HSF4: variants seen among roughly 807,000 people sequenced by gnomAD.
HSF4 encodes the protein heat shock factor protein 4.
In HSF4, 41 loss-of-function variants were observed where a neutral mutation model predicts 52.0. The ratio of observed to expected loss-of-function variants is 0.79; its 90% CI spans 0.61 to 1.02. HSF4 has a LOEUF of 1.02. HSF4 is among the 50% of genes least tolerant of loss of function. The pLI, the probability that HSF4 is intolerant of heterozygous loss-of-function variation, is 0.00. For synonymous variants in HSF4, 285 were observed against 273.0 expected, an observed-to-expected ratio of 1.04 and a Z score of -0.43; for missense variants, 610 against 651.1, an observed-to-expected ratio of 0.94 and a Z score of 0.69.
rs2031211599 is a variant in HSF4, at chr16:67,165,663, T to C, written c.232+33T>C. 5.6e-6 allele frequency: 9 copies of C among 1,611,580 alleles called. No homozygotes were observed. Among genetic ancestry groups the C allele is most frequent in the Non-Finnish European group, 7.6e-6 (9 of 1,179,532 alleles). ...CCTACGGCCGGGCGGGGAGCGGGGA[T>C]GGGGGACTCGGTGCCGGGGATGGGG... On this transcript the variant is annotated intron_variant, in intron 2 of 12. Transcript: ENST00000521374. The surrounding 1 kb of genome is among the most constrained non-coding windows in gnomAD (Gnocchi z 6.9).
chr16:67,166,593 G>C lies in HSF4; in HGVS notation c.597G>C (p.Gly199=). The part of the protein sequence containing the change: ...IQCLFGPLQA[G]PSNAGGKRKL... ...GTCTCTTTGGGCCACTTCAGGCGGG[G>C]CCGAGCAATGCAGGAGGCAAGAGAA... Residue 199 remains glycine, a synonymous_variant, in exon 6 of 13, where the codon GGG becomes GGC. Coordinates refer to ENST00000521374, the MANE Select transcript of HSF4 (RefSeq NM_001374675.1). The C allele has an allele frequency of 6.2e-7, 1 of 1,613,936 alleles. No individual in the cohort carries two copies. The highest frequency in any genetic ancestry group is 8.5e-7 in the Non-Finnish European group (1 of 1,179,978).
rs1024125330 is a variant in HSF4 at position 67,165,279 on chromosome 16, T to C, written c.124-243T>C. 1.7e-6 allele frequency: 1 copy of C among 598,242 alleles called. No individual in the cohort carries two copies. The highest frequency in any genetic ancestry group is 3.0e-6 in the Non-Finnish European group (1 of 336,310). The allele number at this position is 598,242 out of a possible 1,614,324, so 37.1% of individuals were successfully genotyped here. On this transcript the variant is annotated intron_variant, in intron 1 of 12. Transcript: ENST00000521374. The surrounding 1 kb of genome is among the most constrained non-coding windows in gnomAD (Gnocchi z 6.9). ...GGCTGGGAACCCCGTCAGCCTCTCC[T>C]TTCTGAGAACTGAGTATGGAGTCAG...
chr16:67,164,015 G>GCAGA (rs1447239056), upstream of HSF4: 5 of 788,070 alleles, frequency 6.3e-6, no homozygotes, highest in Middle Eastern at 2.6e-4. Flanking sequence ...CTCACCCTCT[G>GCAGA]CAGACGCCCC....
upstream of HSF4, chr16:67,164,262 T>G: frequency 7.3e-6 from 3 of 411,590 alleles, no homozygotes; most frequent in Admixed American, 3.2e-5. Context: ...CCGGCAGAGG[T>G]TGGGTTTCCT....
chr16:67,169,684 G>A lies in HSF4; in HGVS notation c.1378G>A (p.Gly460Arg), dbSNP rs781456673. The change falls in exon 13 of 13, where the codon GGA (glycine) becomes AGA (arginine). Residue 460 changes from glycine (G) to arginine (R), a missense_variant. Coordinates refer to ENST00000521374, the MANE Select transcript of HSF4 (RefSeq NM_001374675.1). This position sits in a 1 kb window ranked among gnomAD's most constrained non-coding sequence, Gnocchi z 4.3. Reference protein sequence around the residue: ...PLLLDVQAALGGPALGLPGAL... With the variant: ...PLLLDVQAALRGPALGLPGAL... Reference sequence around the variant, plus strand: ...CCTGCTGGATGTCCAGGCGGCCTTGGGAGGCCCAGCCCTGGGCCTGCCTGG... The same window carrying A: ...CCTGCTGGATGTCCAGGCGGCCTTGAGAGGCCCAGCCCTGGGCCTGCCTGG... 1 of 1,612,376 alleles carries A rather than the reference G, an allele frequency of 6.2e-7. No individual in the cohort carries two copies. Among genetic ancestry groups the A allele is most frequent in the Non-Finnish European group, 8.5e-7 (1 of 1,180,006 alleles).
At chr16:67,166,663 AC>A (rs758084052) in intron 6 of HSF4, 41 bp downstream of exon 6, 16 of 1,583,760 alleles carry the variant, frequency 1.0e-5, no homozygotes, top group Middle Eastern at 1.8e-4. Flanking sequence ...CACTTCCAAG[AC>A]CCCCCAGAAG....
chr16:67,168,826 C>A lies in HSF4; in HGVS notation c.1083-5C>A. On this transcript the variant is annotated splice_region_variant and splice_polypyrimidine_tract_variant and intron_variant, in intron 9 of 12. Coordinates refer to ENST00000521374, the MANE Select transcript of HSF4 (RefSeq NM_001374675.1). ...TGCAGGCCAAAAGCAGTTCTGTCTG[C>A]ACAGGGGGCCTCTGGGCCTGGAAAG... The A allele has an allele frequency of 2.5e-6, 4 of 1,612,386 alleles. No individual in the cohort carries two copies. The highest frequency in any genetic ancestry group is 3.4e-6 in the Non-Finnish European group (4 of 1,178,990).
Position 67,169,221 on chromosome 16 carries a change from G to A in HSF4, c.1255-58G>A, listed in dbSNP as rs2031556948. The A allele has an allele frequency of 1.9e-6, 3 of 1,609,564 alleles. No individual in the cohort carries two copies. Among genetic ancestry groups the A allele is most frequent in the Admixed American group, 3.3e-5 (2 of 59,814 alleles). ...GAAGAATTGTCACAGTGATTTCCCAGCTGTCCCCCTCAGCTGCTAGGTCCC... is the reference window on the plus strand; with the variant it reads ...GAAGAATTGTCACAGTGATTTCCCAACTGTCCCCCTCAGCTGCTAGGTCCC... On this transcript the variant is annotated intron_variant, in intron 11 of 12. Coordinates refer to ENST00000521374, the MANE Select transcript of HSF4 (RefSeq NM_001374675.1). The surrounding 1 kb of genome is among the most constrained non-coding windows in gnomAD (Gnocchi z 4.3).
chr16:67,168,061 A>G, intron 9 of HSF4, 114 bp downstream of exon 9: 2 of 913,202 alleles, frequency 2.2e-6, no homozygotes, highest in South Asian at 1.4e-5. Context: ...TGGCCCCAGC[A>G]TCAGAGTTCT....
Position 67,167,109 on chromosome 16 carries a change from C to CAAAA in HSF4, c.627-11_627-10insAAAA. The CAAAA allele has an allele frequency of 3.1e-6, 5 of 1,614,096 alleles. No individual in the cohort carries two copies. Among genetic ancestry groups the CAAAA allele is most frequent in the Non-Finnish European group, 4.2e-6 (5 of 1,180,004 alleles). ...GCCCCACCCCTGCCTGTGCCCTGAT[C>CAAAA]GACCACACAGGTCCCTGATGCTGGA... On this transcript the variant is annotated splice_polypyrimidine_tract_variant and intron_variant, in intron 6 of 12. Coordinates refer to ENST00000521374, the MANE Select transcript of HSF4 (RefSeq NM_001374675.1).
At chr16:67,166,739 G>A in intron 6 of HSF4, 117 bp downstream of exon 6, 1 of 955,182 alleles carries the variant, frequency 1.0e-6, no homozygotes, top group South Asian at 1.4e-5. Flanking sequence ...TCCTCCCCCT[G>A]CGCTACAGGC....
upstream of HSF4, chr16:67,163,872 A>AT: frequency 7.5e-7 from 1 of 1,338,742 alleles, no homozygotes; most frequent in Non-Finnish European, 9.5e-7. Context: ...CTGAGAGGGA[A>AT]CGGGGGGGGT....
chr16:67,163,866 G>A, upstream of HSF4: 1 of 1,383,666 alleles, frequency 7.2e-7, no homozygotes, highest in African/African-American at 3.0e-5. Context: ...AGCGCTCTGA[G>A]AGGGAACGGG....
chr16:67,166,503 C>A, intron 5 of HSF4, 55 bp from the exon 6 acceptor site: 1 of 1,600,588 alleles, frequency 6.2e-7, no homozygotes, highest in South Asian at 1.1e-5. Context: ...CCTGGAAGTG[C>A]GGGGGTGGGG....
In HSF4 at chr16:67,166,002, A is replaced by G; in HGVS notation, c.417A>G (p.Leu139=). The change falls in exon 4 of 13, where the codon CTA becomes CTG. Residue 139 remains leucine (L), a synonymous_variant. Coordinates refer to ENST00000521374, the MANE Select transcript of HSF4 (RefSeq NM_001374675.1). ...GGCGCCCGGAGGACCTGGGTCGACT[A>G]CTGGGCGAGGTGCAGGCTTTGCGGG... is the stretch of plus-strand genomic sequence containing the variant. ...GRWRPEDLGR[L]LGEVQALRGV... 6.5e-7 allele frequency: 1 copy of G among 1,541,238 alleles called. No individual in the cohort carries two copies. Among genetic ancestry groups the G allele is most frequent in the South Asian group, 1.2e-5 (1 of 84,904 alleles).
At position 67,165,555 on chromosome 16, in the gene HSF4, C is replaced by A. The variant is rs184475114; in HGVS notation, c.157C>A (p.Arg53Ser). ...GTSFLVSDQS[R>S]FAKEVLPQYF... is the part of the protein sequence containing the mutation. ...CAGTTTCCTCGTAAGCGACCAGAGCCGTTTCGCCAAGGAAGTGCTGCCCCA... is the reference window on the plus strand; with the variant it reads ...CAGTTTCCTCGTAAGCGACCAGAGCAGTTTCGCCAAGGAAGTGCTGCCCCA... The change falls in exon 2 of 13, where the codon CGT becomes AGT. Residue 53 changes from arginine (R) to serine (S), a missense_variant. Arg to Ser is a moderately radical substitution (Grantham distance 110). Transcript: ENST00000521374. The surrounding 1 kb of genome is among the most constrained non-coding windows in gnomAD (Gnocchi z 6.9). The A allele has an allele frequency of 3.7e-6, 6 of 1,613,280 alleles. No individual in the cohort carries two copies. Among genetic ancestry groups the A allele is most frequent in the Non-Finnish European group, 5.1e-6 (6 of 1,179,920 alleles).
At position 67,169,735 on chromosome 16, in the gene HSF4, G is replaced by T; in HGVS notation, c.1429G>T (p.Glu477Ter). 1 of 1,613,104 alleles carries T rather than the reference G, an allele frequency of 6.2e-7. No individual in the cohort carries two copies. ...PGALTIYSTP[E>*]SRTASYLGPE... ...GGCTTTAACCATTTATAGCACTCCTGAGAGCCGGACTGCCTCCTACTTGGG... is the reference window on the plus strand; with the variant it reads ...GGCTTTAACCATTTATAGCACTCCTTAGAGCCGGACTGCCTCCTACTTGGG... The change falls in exon 13 of 13, where the codon GAG becomes TAG. Residue 477 changes from glutamate to a stop codon, truncating the protein, a stop_gained. Transcript: ENST00000521374. LOFTEE classifies it high-confidence loss of function. This position sits in a 1 kb window ranked among gnomAD's most constrained non-coding sequence, Gnocchi z 4.3.
In HSF4 at chr16:67,167,550, T is replaced by A. The variant is rs768631223; in HGVS notation, c.805T>A (p.Ser269Thr). 6.8e-6 allele frequency: 11 copies of A among 1,613,568 alleles called. No individual in the cohort carries two copies. The highest frequency in any genetic ancestry group is 9.3e-6 in the Non-Finnish European group (11 of 1,179,982). ...GPIISDIPEDSPSPEGTRLSP... is the reference protein window; with the variant it reads ...GPIISDIPEDTPSPEGTRLSP... ...CATCATCTCTGACATCCCAGAAGAC[T>A]CTCCATCCCCTGAGGGGACCAGGCT... Residue 269 changes from serine (S) to threonine (T), a missense_variant, in exon 8 of 13, where the codon TCT becomes ACT. Transcript: ENST00000521374.
rs1204066551 is a variant in HSF4 at position 67,165,662 on chromosome 16, A to G, written c.232+32A>G. On this transcript the variant is annotated intron_variant, in intron 2 of 12. Transcript: ENST00000521374. The surrounding 1 kb of genome is among the most constrained non-coding windows in gnomAD (Gnocchi z 6.9). ...CCCTACGGCCGGGCGGGGAGCGGGGATGGGGGACTCGGTGCCGGGGATGGG... is the reference window on the plus strand; with the variant it reads ...CCCTACGGCCGGGCGGGGAGCGGGGGTGGGGGACTCGGTGCCGGGGATGGG... The G allele has an allele frequency of 6.2e-7, 1 of 1,611,412 alleles. No individual in the cohort carries two copies. Among genetic ancestry groups the G allele is most frequent in the Admixed American group, 1.7e-5 (1 of 59,980 alleles).
Sources: allele counts gnomAD v4.1 joint callset, GRCh38; gene constraint gnomAD v4.1.1; non-coding constraint Gnocchi (gnomAD v3.1); transcripts MANE v1.5; gene names NCBI Gene and HGNC (gene_info 2026-07-23, HGNC 2026-07-21).